Variants in FAAP20 observed in about 807,000 individuals in gnomAD.
The protein encoded by FAAP20 is Fanconi anemia core complex-associated protein 20.
FAAP20 carries 12 observed loss-of-function variants against 16.2 expected under a neutral mutation model. The ratio of observed to expected loss-of-function variants is 0.74; its 90% CI spans 0.48 to 1.20. The LOEUF (loss-of-function observed/expected upper bound fraction) is 1.20. FAAP20 is among the 50% of genes most tolerant of loss of function. The pLI is 0.00. For synonymous variants in FAAP20, 141 were observed against 110.7 expected (o/e 1.27, Z -1.72); for missense variants, 288 against 245.8 (o/e 1.17, Z -1.15).
upstream of FAAP20, chr1:2,201,239 T>C (rs1369218363): frequency 5.8e-5 from 69 of 1,196,552 alleles, 2 homozygotes; most frequent in Admixed American, 2.0e-3. Flanking sequence ...TGTTGGAAAA[T>C]AAGGACAGTG....
downstream of FAAP20, among the ~76,000 whole-genome samples, chr1:2,210,950 T>C (rs1390012167): frequency 2.6e-5 from 4 of 151,642 alleles, no homozygotes; most frequent in African/African-American, 4.8e-5. Flanking sequence ...CTGCTGCCCC[T>C]ATCCAGATGC....
At chr1:2,184,478 G>A (rs568098207), downstream of FAAP20, 27 of 783,336 alleles carry the variant, frequency 3.4e-5, no homozygotes, top group South Asian at 4.8e-4. Context: ...TTGAAATGCT[G>A]ACTTTCTCAC....
At chr1:2,189,873 G>A in intron 3 of FAAP20, 92 bp from the exon 4 acceptor site, 1 of 1,005,522 alleles carries the variant, frequency 9.9e-7, no homozygotes, top group South Asian at 1.3e-5. Context: ...CTCTGCTCCT[G>A]CCGCTGGAGA....
At chr1:2,207,947 T>TCC (rs1689324428), downstream of FAAP20, among the ~76,000 whole-genome samples, 1 of 132,138 alleles carries the variant, frequency 7.6e-6, no homozygotes, top group African/African-American at 2.9e-5. Context: ...TGTGTGTGTG[T>TCC]GTGTGTGTCC....
chr1:2,201,317 C>T (rs946633730), upstream of FAAP20: 5 of 1,006,560 alleles, frequency 5.0e-6, no homozygotes, highest in South Asian at 2.4e-5. Context: ...TCTGTAGGCT[C>T]GAAGGCACAG....
downstream of FAAP20, among the ~76,000 whole-genome samples, chr1:2,189,024 A>C (rs544573350): frequency 4.0e-3 from 577 of 145,154 alleles, 2 homozygotes; most frequent in Non-Finnish European, 6.7e-3. Context: ...AAAAAAAAAA[A>C]AAAACAAAAA....
At chr1:2,209,361 C>T (rs1196324258), downstream of FAAP20, among the ~76,000 whole-genome samples, 1 of 152,232 alleles carries the variant, frequency 6.6e-6, no homozygotes, top group African/African-American at 2.4e-5. Context: ...AGAACATGGA[C>T]CCCCATCCAA....
At chr1:2,201,315 C>T (rs544817273), upstream of FAAP20, 2 of 1,018,526 alleles carry the variant, frequency 2.0e-6, no homozygotes, top group South Asian at 2.3e-5. Context: ...CCTCTGTAGG[C>T]TCGAAGGCAC....
rs757738067 is a variant in FAAP20 at position 2,193,996 on chromosome 1, ACCTGT to A, written c.195_198+1del. ...TCGCTAAGATGGGCCCAGTGGGCAC[ACCTGT>A]CCTGGGAAGGCGGGCAGTGAAGGCA... On this transcript the variant is annotated splice_donor_variant and coding_sequence_variant, in exon 2 of 4. Coordinates refer to ENST00000378546, the MANE Select transcript of FAAP20 (RefSeq NM_182533.4). LOFTEE classifies it high-confidence loss of function. 2.8e-5 allele frequency: 45 copies of A among 1,612,598 alleles called. 1 individual carries two copies. In the East Asian group the frequency reaches 9.8e-4, roughly 35 times the overall value.
chr1:2,190,485 C>T (rs1229638116), intron 3 of FAAP20: 1 of 444,482 alleles, frequency 2.2e-6, no homozygotes. Context: ...CCTTCTATCC[C>T]CGGCCTCATG....
chr1:2,195,844 G>A (rs544680845), upstream of FAAP20, among the ~76,000 whole-genome samples: 94 of 152,340 alleles, frequency 6.2e-4, no homozygotes, highest in Non-Finnish European at 9.6e-4. Flanking sequence ...GTTTTCTTCC[G>A]CACACCTTCC....
intron 3 of FAAP20, among the ~76,000 whole-genome samples, chr1:2,206,042 C>A (rs1689247116): frequency 6.6e-6 from 1 of 152,274 alleles, no homozygotes. Flanking sequence ...GGCGTCCCTG[C>A]ACTGGGGCTC....
upstream of FAAP20, chr1:2,201,291 C>G (rs566432116): frequency 8.9e-7 from 1 of 1,119,674 alleles, no homozygotes. Context: ...GTCAGGGACA[C>G]GCACGGTGAG....
At position 2,189,634 on chromosome 1, in the gene FAAP20, A is replaced by AGCCGAGAGGCGGGGCT; in HGVS notation, c.*59_*74dup. ...CGAGAGGCGGGGCTGCTGGCGGGGG[A>AGCCGAGAGGCGGGGCT]GCCGAGAGGCGGGGCTGCTGGCGGG... On this transcript the variant is annotated 3_prime_UTR_variant, in exon 4 of 4. Transcript: ENST00000378546. The AGCCGAGAGGCGGGGCT allele has an allele frequency of 8.2e-7, 1 of 1,223,232 alleles. No homozygotes were observed. 75.8% of individuals were successfully genotyped at this position (1,223,232 alleles called of 1,614,324 possible). A position where few individuals can be genotyped will look rare whatever the true frequency, so the allele number is the denominator to read the frequency against.
upstream of FAAP20, among the ~76,000 whole-genome samples, chr1:2,197,066 C>T (rs1304372842): frequency 3.3e-5 from 5 of 152,190 alleles, no homozygotes; most frequent in Non-Finnish European, 5.9e-5. Flanking sequence ...ACCGGCCGGC[C>T]TCTGGATGGG....
At chr1:2,187,465 G>A (rs1036478836), downstream of FAAP20, among the ~76,000 whole-genome samples, 74 of 151,156 alleles carry the variant, frequency 4.9e-4, no homozygotes, top group African/African-American at 1.5e-3. Flanking sequence ...CCCCACGCCC[G>A]GCTAATTTTT....
chr1:2,191,956 T>A (rs1688281064), intron 3 of FAAP20: 1 of 985,338 alleles, frequency 1.0e-6, no homozygotes, highest in Non-Finnish European at 1.2e-6. Context: ...GTTTGTCAAA[T>A]CCAGCATTTG....
upstream of FAAP20, chr1:2,198,134 G>A (rs970705521): frequency 9.3e-6 from 12 of 1,290,294 alleles, no homozygotes; most frequent in South Asian, 3.7e-5. Context: ...CTGTGGTGAC[G>A]GAGTTTTGCT....
upstream of FAAP20, among the ~76,000 whole-genome samples, chr1:2,196,578 G>A (rs967783513): frequency 1.3e-5 from 2 of 151,186 alleles, no homozygotes; most frequent in South Asian, 2.1e-4. The surrounding 1 kb of genome is among the most constrained non-coding windows in gnomAD (Gnocchi z 4.5). Context: ...GGTGGCTCAA[G>A]CCTGCAATCC....
Sources: gnomAD v4.1 joint callset for allele counts (sites outside exome capture counted in the v4.1 genomes callset) on GRCh38, gnomAD v4.1.1 for gene constraint, Gnocchi (gnomAD v3.1) non-coding constraint, MANE v1.5 for transcripts, NCBI Gene and HGNC (gene_info 2026-07-23, HGNC 2026-07-21) for gene names.